The following CNIH3 variants were observed in gnomAD, a reference collection of about 807,000 sequenced individuals.
The protein encoded by CNIH3 is protein cornichon homolog 3.
Under a neutral mutation model 24.1 loss-of-function variants are expected in CNIH3, and 14 were observed. The ratio of observed to expected loss-of-function variants is 0.58; its 90% CI spans 0.38 to 0.91. CNIH3 has a LOEUF of 0.91. Among genes scored for constraint, CNIH3 ranks in the 40% least tolerant of loss-of-function variants. The pLI, the probability that CNIH3 is intolerant of heterozygous loss-of-function variation, is 0.00. For missense variants in CNIH3, 178 were observed against 196.8 expected (o/e 0.90, Z 0.57); for synonymous variants, 68 against 73.8 (o/e 0.92, Z 0.40).
Position 224,461,455 on chromosome 1 carries a change from G to A in CNIH3, n.203+26593G>A, listed in dbSNP as rs12090521. Among the ~76,000 whole-genome samples, 696 of 152,198 alleles carry A rather than the reference G, an allele frequency of 4.6e-3. 27 individuals carry two copies. In the East Asian group the frequency reaches 0.08, roughly 17 times the overall value. On this transcript the variant is annotated intron_variant and non_coding_transcript_variant, in intron 1 of 5. Coordinates refer to the CNIH3 transcript ENST00000471578. ...ACCAGTATTCTATAGAATAGTATCA[G>A]CACACAAGGCACACTTGCTTCCCTT...
intron 4 of CNIH3, among the ~76,000 whole-genome samples, chr1:224,733,514 ACGT>A (rs1334069241): frequency 6.6e-6 from 1 of 152,214 alleles, no homozygotes; most frequent in Non-Finnish European, 1.5e-5. Context: ...GTGACAGATA[ACGT>A]CAGTGCAATT....
chr1:224,446,794 A>G (rs935937545), intron 1 of CNIH3, among the ~76,000 whole-genome samples: 2 of 152,156 alleles, frequency 1.3e-5, no homozygotes, highest in Middle Eastern at 3.2e-3. Context: ...GGGGGATTCA[A>G]AGAAGTCTAT....
At chr1:224,685,581 G>A (rs1254269418) in intron 3 of CNIH3, among the ~76,000 whole-genome samples, 1 of 152,210 alleles carries the variant, frequency 6.6e-6, no homozygotes, top group African/African-American at 2.4e-5. Flanking sequence ...GTACAGAGTG[G>A]ATGAACTACA....
chr1:224,555,436 C>T (rs1385273683), intron 3 of CNIH3, among the ~76,000 whole-genome samples: 1 of 152,044 alleles, frequency 6.6e-6, no homozygotes, highest in Non-Finnish European at 1.5e-5. Context: ...TTTAGAGGCC[C>T]CTAACCTGCA....
chr1:224,689,555 T>A (rs1241362597), intron 3 of CNIH3, among the ~76,000 whole-genome samples: 1 of 152,200 alleles, frequency 6.6e-6, no homozygotes, highest in Non-Finnish European at 1.5e-5. Flanking sequence ...TGAGTTCCGA[T>A]TCCCAAGCTG....
At chr1:224,452,198 G>T (rs1675428056) in intron 1 of CNIH3, among the ~76,000 whole-genome samples, 1 of 148,092 alleles carries the variant, frequency 6.8e-6, no homozygotes, top group South Asian at 2.1e-4. Context: ...TGCCTAGGCT[G>T]GTGTGCGGTG....
chr1:224,694,729 CCATGGAATA>C (rs1230158875), intron 3 of CNIH3, among the ~76,000 whole-genome samples: 2 of 152,094 alleles, frequency 1.3e-5, no homozygotes, highest in East Asian at 3.8e-4. Context: ...CATGTATACA[CCATGGAATA>C]CTACTTAGCC....
intron 1 of CNIH3, among the ~76,000 whole-genome samples, chr1:224,504,916 T>C (rs962118680): frequency 3.3e-5 from 5 of 152,112 alleles, no homozygotes; most frequent in Non-Finnish European, 7.3e-5. Context: ...AGGGCAAGTA[T>C]GGCTTTTATG....
At position 224,739,228 on chromosome 1, in the gene CNIH3, C is replaced by T. The variant is rs1053981102; in HGVS notation, c.456-101C>T. ...TGAGGGAGAAGCCAAGGGGTCTGGCCTCTGGAAGGTCCCTCTCCTGAGGGG... is the reference window on the plus strand; with the variant it reads ...TGAGGGAGAAGCCAAGGGGTCTGGCTTCTGGAAGGTCCCTCTCCTGAGGGG... On this transcript the variant is annotated intron_variant, in intron 5 of 5. Coordinates refer to ENST00000272133, the MANE Select transcript of CNIH3 (RefSeq NM_152495.2). The T allele has an allele frequency of 4.6e-5, 71 of 1,530,080 alleles. No individual in the cohort carries two copies. The Middle Eastern group carries it at 1.3e-3, about 29-fold the overall frequency. 94.8% of individuals were successfully genotyped at this position (1,530,080 alleles called of 1,614,324 possible). A position where few individuals can be genotyped will look rare whatever the true frequency, so the allele number is the denominator to read the frequency against.
chr1:224,594,569 T>C (rs1295219018), intron 3 of CNIH3, among the ~76,000 whole-genome samples: 2 of 152,066 alleles, frequency 1.3e-5, no homozygotes. Context: ...CCAGTGTAGG[T>C]CAGGAGGCAG....
At chr1:224,729,024 C>T (rs1292996686) in intron 3 of CNIH3, among the ~76,000 whole-genome samples, 2 of 152,058 alleles carry the variant, frequency 1.3e-5, no homozygotes, top group African/African-American at 2.4e-5. Flanking sequence ...ATGGAAAGTA[C>T]CCCTGGGAGG....
At chr1:224,545,747 G>A (rs1216965785) in intron 2 of CNIH3, among the ~76,000 whole-genome samples, 4 of 152,180 alleles carry the variant, frequency 2.6e-5, no homozygotes, top group Non-Finnish European at 5.9e-5. Flanking sequence ...AATTTCCCCT[G>A]AATCAGCTTG....
At chr1:224,619,815 C>T (rs575207105) in intron 1 of CNIH3, among the ~76,000 whole-genome samples, 2 of 152,290 alleles carry the variant, frequency 1.3e-5, no homozygotes, top group East Asian at 1.9e-4. Flanking sequence ...CAACATATAG[C>T]GGTTAAAATG....
intron 5 of CNIH3, among the ~76,000 whole-genome samples, chr1:224,586,943 C>G (rs1421516889): frequency 1.3e-5 from 2 of 152,190 alleles, no homozygotes; most frequent in African/African-American, 4.8e-5. Flanking sequence ...GGCAGGGGAG[C>G]ATGGCCCTGC....
At chr1:224,559,432 G>A (rs1049454880) in intron 3 of CNIH3, among the ~76,000 whole-genome samples, 5 of 152,102 alleles carry the variant, frequency 3.3e-5, no homozygotes, top group Non-Finnish European at 7.4e-5. Context: ...TGGCCCTATC[G>A]TAGCTCATTG....
intron 1 of CNIH3, among the ~76,000 whole-genome samples, chr1:224,631,696 T>A (rs1683827572): frequency 6.6e-6 from 1 of 152,190 alleles, no homozygotes; most frequent in East Asian, 1.9e-4. Context: ...TGGGCTGACA[T>A]TTCCAGAGCA....
intron 3 of CNIH3, among the ~76,000 whole-genome samples, chr1:224,715,308 T>A (rs1688370253): frequency 6.6e-6 from 1 of 152,188 alleles, no homozygotes; most frequent in Admixed American, 6.5e-5. Flanking sequence ...GTCTTCAGCC[T>A]CCTTTTTCTG....
downstream of CNIH3, among the ~76,000 whole-genome samples, chr1:224,537,821 C>T (rs1052560314): frequency 2.0e-5 from 3 of 152,132 alleles, no homozygotes; most frequent in African/African-American, 7.2e-5. Flanking sequence ...TTAATTTCAG[C>T]TTAACTGATA....
chr1:224,561,141 G>A (rs1013937036), intron 3 of CNIH3, among the ~76,000 whole-genome samples: 3 of 152,046 alleles, frequency 2.0e-5, no homozygotes, highest in African/African-American at 7.2e-5. Context: ...GAGCCTCTTA[G>A]TTATATGTAT....
Sources: gnomAD v4.1 joint callset for allele counts (sites outside exome capture counted in the v4.1 genomes callset) on GRCh38, gnomAD v4.1.1 for gene constraint, MANE v1.5 for transcripts, NCBI Gene and HGNC (gene_info 2026-07-23, HGNC 2026-07-21) for gene names.